Variants in ATP9B observed in about 807,000 individuals in gnomAD.
The protein encoded by ATP9B is probable phospholipid-transporting ATPase IIB.
In ATP9B, 110 loss-of-function variants were observed where a neutral mutation model predicts 146.1. The observed-to-expected ratio is 0.75, with a 90% confidence interval of 0.65 to 0.88. The LOEUF (loss-of-function observed/expected upper bound fraction) is 0.88. Among genes scored for constraint, ATP9B ranks in the 40% least tolerant of loss-of-function variants. The pLI is 0.00. For missense variants in ATP9B, 1,499 were observed against 1,496.4 expected (o/e 1.00, Z -0.03); for synonymous variants, 604 against 569.7 (o/e 1.06, Z -0.86).
chr18:79,200,789 G>GGGGACTGTCGGGGACAGAGCAGA (rs1244770040), intron 9 of ATP9B, among the ~76,000 whole-genome samples: 1 of 79,122 alleles, frequency 1.3e-5, no homozygotes, highest in Non-Finnish European at 2.9e-5. Context: ...AAGTAGTGGT[G>GGGGACTGTCGGGGACAGAGCAGA]GAATTGTTTT....
At chr18:79,246,677 A>G (rs1315462231) in intron 11 of ATP9B, among the ~76,000 whole-genome samples, 1 of 152,364 alleles carries the variant, frequency 6.6e-6, no homozygotes, top group Non-Finnish European at 1.5e-5. Flanking sequence ...TGCAGGGATC[A>G]GGACGCGCGC....
chr18:79,204,104 G>A lies in ATP9B; in HGVS notation c.955-2833G>A, dbSNP rs1462474197. On this transcript the variant is annotated intron_variant, in intron 9 of 29. Coordinates refer to ENST00000426216, the MANE Select transcript of ATP9B (RefSeq NM_198531.5). Reference sequence around the variant, plus strand: ...CAGTTTTTCTGGATTGTTTATCTTAGCATTGAATAAATTGTATGCCTTTAC... The same window carrying A: ...CAGTTTTTCTGGATTGTTTATCTTAACATTGAATAAATTGTATGCCTTTAC... 3.3e-5 allele frequency among the ~76,000 whole-genome samples: 5 copies of A among 152,150 alleles called. No homozygotes were observed. In the South Asian group the frequency reaches 1.0e-3, roughly 31 times the overall value.
At chr18:79,106,445 C>T (rs1409096258) in intron 2 of ATP9B, among the ~76,000 whole-genome samples, 8 of 152,188 alleles carry the variant, frequency 5.3e-5, no homozygotes, top group Admixed American at 5.2e-4. Flanking sequence ...CCTTTTACTG[C>T]TAGCATGGAA....
intron 26 of ATP9B, chr18:79,362,970 C>T (rs1282429041): frequency 6.6e-6 from 1 of 152,018 alleles, no homozygotes; most frequent in African/African-American, 2.4e-5. Context: ...TATTTGTATA[C>T]TTATATTCTT....
intron 1 of ATP9B, among the ~76,000 whole-genome samples, chr18:79,092,640 C>CTTTTTT (rs145337759): frequency 1.7e-5 from 2 of 118,250 alleles, no homozygotes; most frequent in African/African-American, 6.4e-5. Flanking sequence ...TTTACTTAAA[C>CTTTTTT]TTTTTTTTTT....
chr18:79,292,355 T>A (rs1202933126), intron 13 of ATP9B, among the ~76,000 whole-genome samples: 1 of 151,870 alleles, frequency 6.6e-6, no homozygotes, highest in Admixed American at 6.6e-5. Context: ...TTGGTAAGAT[T>A]GTAGGACGCA....
In ATP9B at chr18:79,369,272, C is replaced by T. The variant is rs372125354; in HGVS notation, c.3013-3553C>T. Among the ~76,000 whole-genome samples the T allele has an allele frequency of 5.2e-4, 77 of 148,602 alleles. 1 individual carries two copies. The East Asian group carries it at 0.014, about 27-fold the overall frequency. ...AAAATGAGCCGGGCGTGGTGGCTCA[C>T]GCCTGTAATCCCAGCACTTTGGGAG... On this transcript the variant is annotated intron_variant, in intron 26 of 29. Coordinates refer to ENST00000426216, the MANE Select transcript of ATP9B (RefSeq NM_198531.5).
At chr18:79,174,856 C>G (rs546968225) in intron 7 of ATP9B, among the ~76,000 whole-genome samples, 1 of 152,206 alleles carries the variant, frequency 6.6e-6, no homozygotes, top group East Asian at 1.9e-4. Context: ...ACATGTCTCT[C>G]TTTTAGTGAT....
At chr18:79,199,373 A>G (rs1568384987) in intron 9 of ATP9B, among the ~76,000 whole-genome samples, 1 of 152,322 alleles carries the variant, frequency 6.6e-6, no homozygotes, top group African/African-American at 2.4e-5. Flanking sequence ...ACACAAACAC[A>G]TTGTACACCT....
intron 12 of ATP9B, chr18:79,254,241 G>A (rs1014134037): frequency 2.6e-5 from 4 of 152,170 alleles, no homozygotes; most frequent in East Asian, 1.9e-4. Flanking sequence ...GGACTAAAAC[G>A]GTATAGAATG....
chr18:79,330,843 C>G (rs1461636943), intron 17 of ATP9B, among the ~76,000 whole-genome samples: 2 of 152,160 alleles, frequency 1.3e-5, no homozygotes, highest in Non-Finnish European at 2.9e-5. Context: ...CAATCATTCA[C>G]TATTCTGAAA....
chr18:79,289,207 T>C (rs906934631), intron 13 of ATP9B, among the ~76,000 whole-genome samples: 1 of 152,270 alleles, frequency 6.6e-6, no homozygotes, highest in African/African-American at 2.4e-5. Flanking sequence ...TCCTGCAGAA[T>C]GTTTTCCAAC....
At chr18:79,208,660 T>C (rs978784193) in intron 10 of ATP9B, among the ~76,000 whole-genome samples, 1 of 152,174 alleles carries the variant, frequency 6.6e-6, no homozygotes, top group Non-Finnish European at 1.5e-5. Context: ...TTTTAATAGG[T>C]GACAATTTTT....
At chr18:79,113,701 G>C (rs984904946) in intron 4 of ATP9B, among the ~76,000 whole-genome samples, 1 of 152,178 alleles carries the variant, frequency 6.6e-6, no homozygotes, top group Non-Finnish European at 1.5e-5. Flanking sequence ...CTGTGGGTCT[G>C]TTCTGTTACT....
intron 12 of ATP9B, among the ~76,000 whole-genome samples, chr18:79,260,007 T>C (rs774968100): frequency 1.8e-4 from 27 of 152,278 alleles, no homozygotes; most frequent in Non-Finnish European, 3.4e-4. Context: ...ATGCTAATAT[T>C]GGGAGATTCA....
intron 5 of ATP9B, among the ~76,000 whole-genome samples, chr18:79,136,257 G>A (rs1599813877): frequency 6.6e-6 from 1 of 152,204 alleles, no homozygotes; most frequent in Non-Finnish European, 1.5e-5. Flanking sequence ...ATTTGGCAGA[G>A]AACTGACATT....
Position 79,276,372 on chromosome 18 carries a change from T to C in ATP9B, c.1269-682T>C, listed in dbSNP as rs555021529. Among the ~76,000 whole-genome samples the C allele has an allele frequency of 5.3e-5, 8 of 152,374 alleles. No homozygotes were observed. The East Asian group carries it at 1.5e-3, about 29-fold the overall frequency. ...AGTCTTACTACACGGACTTAAATTA[T>C]GAAATTTTAAAAATGACTAAAAAGT... On this transcript the variant is annotated intron_variant, in intron 12 of 29. Coordinates refer to ENST00000426216, the MANE Select transcript of ATP9B (RefSeq NM_198531.5).
chr18:79,147,930 G>A (rs1002260187), intron 6 of ATP9B, among the ~76,000 whole-genome samples: 1 of 152,094 alleles, frequency 6.6e-6, no homozygotes, highest in Non-Finnish European at 1.5e-5. Flanking sequence ...CTTTAGCAAG[G>A]AAGACTGATC....
At chr18:79,334,108 A>G (rs1291612142) in intron 17 of ATP9B, among the ~76,000 whole-genome samples, 1 of 152,172 alleles carries the variant, frequency 6.6e-6, no homozygotes, top group African/African-American at 2.4e-5. Context: ...CTGTAATCCC[A>G]GCACTTTGAG....
Sources: gnomAD v4.1 joint callset for allele counts (sites outside exome capture counted in the v4.1 genomes callset) on GRCh38, gnomAD v4.1.1 for gene constraint, MANE v1.5 for transcripts, NCBI Gene and HGNC (gene_info 2026-07-23, HGNC 2026-07-21) for gene names.